ZNF704: variants seen among roughly 807,000 people sequenced by gnomAD.
The protein encoded by ZNF704 is glucocorticoid induced gene 1.
ZNF704 carries 10 observed loss-of-function variants against 44.7 expected under a neutral mutation model. The observed-to-expected ratio is 0.22, with a 90% CI of 0.14 to 0.38. The LOEUF (loss-of-function observed/expected upper bound fraction) is 0.38, where lower values mean the gene tolerates loss of function less well. ZNF704 is among the 10% of genes least tolerant of loss of function. The pLI, the probability that ZNF704 is intolerant of heterozygous loss-of-function variation, is 1.00. For synonymous variants in ZNF704, 211 were observed against 207.6 expected (o/e 1.02, Z -0.14); for missense variants, 390 against 545.5 (o/e 0.71, Z 2.84).
intron 2 of ZNF704, among the ~76,000 whole-genome samples, chr8:80,733,033 G>T (rs1316970321): frequency 6.7e-6 from 1 of 150,364 alleles, no homozygotes; most frequent in African/African-American, 2.5e-5. Flanking sequence ...CTATGAGAAA[G>T]ATTAAATGAT....
chr8:80,669,363 A>G (rs6995928), intron 5 of ZNF704, among the ~76,000 whole-genome samples: 3 of 152,118 alleles, frequency 2.0e-5, no homozygotes, highest in African/African-American at 7.2e-5. Context: ...AGGTATTTCA[A>G]TTGGTATTTC....
At chr8:80,823,730 G>A (rs907015122) in intron 1 of ZNF704, among the ~76,000 whole-genome samples, 2 of 152,162 alleles carry the variant, frequency 1.3e-5, no homozygotes, top group African/African-American at 4.8e-5. Flanking sequence ...AGCTTCCAGA[G>A]GAAGGATCAG....
intron 1 of ZNF704, among the ~76,000 whole-genome samples, chr8:80,837,039 T>C (rs983301783): frequency 5.9e-5 from 9 of 151,990 alleles, no homozygotes; most frequent in Non-Finnish European, 8.8e-5. Flanking sequence ...ATTACATAAA[T>C]GGAGTTTCAG....
chr8:80,790,042 A>C (rs1237423260), intron 2 of ZNF704, among the ~76,000 whole-genome samples: 1 of 152,204 alleles, frequency 6.6e-6, no homozygotes, highest in African/African-American at 2.4e-5. Context: ...ATTGGTGTGG[A>C]AGTGTGTGGC....
rs372603671 is a variant in ZNF704 at position 80,631,315 on chromosome 8, G to A, written c.*10051C>T. On this transcript the variant is annotated 3_prime_UTR_variant, in exon 9 of 9. Coordinates refer to ENST00000327835, the MANE Select transcript of ZNF704 (RefSeq NM_001033723.3). The stretch of plus-strand genomic sequence containing the variant: ...TCTTTCCTCTCGGTCCCAGCCATCT[G>A]TGCCCAAAACATAGGAAGGGGGCTC... 10 of 152,312 alleles carry A rather than the reference G, an allele frequency of 6.6e-5. No individual in the cohort carries two copies. Among genetic ancestry groups the A allele is most frequent in the Admixed American group, 3.9e-4 (6 of 15,288 alleles). 9.4% of individuals were successfully genotyped at this position (152,312 alleles called of 1,614,324 possible). A position where few individuals can be genotyped will look rare whatever the true frequency, so the allele number is the denominator to read the frequency against.
chr8:80,817,030 G>T (rs1472215951), intron 2 of ZNF704, among the ~76,000 whole-genome samples: 2 of 151,900 alleles, frequency 1.3e-5, no homozygotes, highest in African/African-American at 2.4e-5. Context: ...ATTAATTAAA[G>T]AATTAATTTT....
At chr8:80,799,752 T>G (rs1384777000) in intron 2 of ZNF704, among the ~76,000 whole-genome samples, 1 of 152,084 alleles carries the variant, frequency 6.6e-6, no homozygotes, top group African/African-American at 2.4e-5. Flanking sequence ...CCAGACTGCC[T>G]TTTCTCCTCC....
chr8:80,657,025 G>A (rs933790666), intron 7 of ZNF704, among the ~76,000 whole-genome samples: 1 of 152,024 alleles, frequency 6.6e-6, no homozygotes, highest in Non-Finnish European at 1.5e-5. Context: ...TAAATTCTAC[G>A]TGGCTTGCCT....
intron 2 of ZNF704, among the ~76,000 whole-genome samples, chr8:80,705,149 G>C (rs532533881): frequency 6.6e-6 from 1 of 152,298 alleles, no homozygotes; most frequent in East Asian, 1.9e-4. Flanking sequence ...TGCAGTGGGA[G>C]AGCCTGAGCG....
intron 2 of ZNF704, among the ~76,000 whole-genome samples, chr8:80,748,567 T>A (rs1315914194): frequency 1.3e-5 from 2 of 152,224 alleles, no homozygotes; most frequent in Non-Finnish European, 2.9e-5. Flanking sequence ...CGTCGTTCTT[T>A]TTTTAAACCA....
At chr8:80,760,151 C>T (rs367795776) in intron 2 of ZNF704, among the ~76,000 whole-genome samples, 43 of 152,196 alleles carry the variant, frequency 2.8e-4, no homozygotes, top group African/African-American at 6.3e-4. Context: ...ACAGATACTA[C>T]GAGAGAATAA....
intron 2 of ZNF704, among the ~76,000 whole-genome samples, chr8:80,754,609 T>C (rs1216696960): frequency 2.0e-5 from 3 of 152,232 alleles, no homozygotes; most frequent in Admixed American, 6.5e-5. Flanking sequence ...AAAAAGAAAC[T>C]GACTTGCTGC....
At chr8:80,724,399 A>C (rs960640144) in intron 2 of ZNF704, among the ~76,000 whole-genome samples, 1 of 152,256 alleles carries the variant, frequency 6.6e-6, no homozygotes, top group African/African-American at 2.4e-5. Context: ...GCTGGGTTTA[A>C]GCTCATCCAA....
intron 2 of ZNF704, among the ~76,000 whole-genome samples, chr8:80,756,012 G>A (rs1807028528): frequency 6.6e-6 from 1 of 151,866 alleles, no homozygotes; most frequent in Admixed American, 6.6e-5. Flanking sequence ...GGGAGGCTGA[G>A]AAGGAAGGAT....
chr8:80,763,464 C>T (rs1310043462), intron 2 of ZNF704, among the ~76,000 whole-genome samples: 2 of 152,208 alleles, frequency 1.3e-5, no homozygotes, highest in Non-Finnish European at 2.9e-5. Context: ...GAAACCATGG[C>T]CTGTGGTGTA....
intron 2 of ZNF704, among the ~76,000 whole-genome samples, chr8:80,807,334 T>A (rs1459736742): frequency 6.6e-6 from 1 of 151,876 alleles, no homozygotes; most frequent in Non-Finnish European, 1.5e-5. Context: ...CTGAGTAGAG[T>A]CTGCCATTGT....
chr8:80,656,955 T>C (rs1239413791), intron 7 of ZNF704, among the ~76,000 whole-genome samples: 1 of 152,152 alleles, frequency 6.6e-6, no homozygotes, highest in African/African-American at 2.4e-5. Context: ...ACTTACAACT[T>C]TTAGAGCTTT....
At chr8:80,710,869 C>T (rs2131658865) in intron 2 of ZNF704, among the ~76,000 whole-genome samples, 1 of 152,278 alleles carries the variant, frequency 6.6e-6, no homozygotes. Flanking sequence ...TTTATATTTG[C>T]TTGCAATCAG....
At position 80,861,706 on chromosome 8, in the gene ZNF704, T is replaced by C. The variant is rs535515794; in HGVS notation, c.-22+12865A>G. 5.9e-5 allele frequency among the ~76,000 whole-genome samples: 9 copies of C among 151,752 alleles called. No individual in the cohort carries two copies. The Admixed American group carries it at 5.9e-4, about 10-fold the overall frequency. On this transcript the variant is annotated intron_variant, in intron 1 of 8. Coordinates refer to ENST00000327835, the MANE Select transcript of ZNF704 (RefSeq NM_001033723.3). ...CTACCTGCTGTACCCCTTGGTATGCTCCCTCAATCCCATCACTTAAATATC... is the reference window on the plus strand; with the variant it reads ...CTACCTGCTGTACCCCTTGGTATGCCCCCTCAATCCCATCACTTAAATATC...
Sources: allele counts gnomAD v4.1 joint callset (sites outside exome capture counted in the v4.1 genomes callset), GRCh38; gene constraint gnomAD v4.1.1; transcripts MANE v1.5; gene names NCBI Gene and HGNC (gene_info 2026-07-23, HGNC 2026-07-21).